The following ARL15 variants were observed in gnomAD, a reference collection of about 807,000 sequenced individuals.
The protein encoded by ARL15 is ARF like GTPase 15, also known as ADP-ribosylation factor-like protein 15.
In ARL15, 19 loss-of-function variants were observed where a neutral mutation model predicts 25.2. The ratio of observed to expected loss-of-function variants is 0.75; its 90% CI spans 0.53 to 1.10. The LOEUF (loss-of-function observed/expected upper bound fraction) is 1.10. ARL15 is among the 50% of genes least tolerant of loss of function. The probability of loss-of-function intolerance (pLI) is 0.00; values close to 1 mark genes in which losing one functional copy is unlikely to be tolerated. For synonymous variants in ARL15, 94 were observed against 86.8 expected (o/e 1.08, Z -0.46); for missense variants, 220 against 246.0 (o/e 0.89, Z 0.71).
chr5:54,009,980 G>GA (rs961852272), intron 4 of ARL15, among the ~76,000 whole-genome samples: 3 of 151,678 alleles, frequency 2.0e-5, no homozygotes, highest in African/African-American at 7.3e-5. Context: ...CTTTACTGAG[G>GA]AAAAAAACAA....
chr5:53,956,070 C>G (rs746702433), intron 4 of ARL15, among the ~76,000 whole-genome samples: 3 of 152,062 alleles, frequency 2.0e-5, no homozygotes, highest in Non-Finnish European at 4.4e-5. Flanking sequence ...AAGTCATGCA[C>G]ATACCCACAG....
intron 2 of ARL15, among the ~76,000 whole-genome samples, chr5:54,165,016 C>T (rs1554044740): frequency 6.6e-6 from 1 of 151,570 alleles, no homozygotes; most frequent in Non-Finnish European, 1.5e-5. Context: ...TATGGGCTCT[C>T]ATCCTTTGTT....
intron 4 of ARL15, among the ~76,000 whole-genome samples, chr5:53,924,088 T>C (rs1745942658): frequency 6.6e-6 from 1 of 152,128 alleles, no homozygotes; most frequent in South Asian, 2.1e-4. Context: ...GAAAAGGAGG[T>C]AATAAAAGTG....
intron 1 of ARL15, among the ~76,000 whole-genome samples, chr5:54,272,831 G>A (rs1398333857): frequency 1.1e-4 from 16 of 152,062 alleles, no homozygotes; most frequent in Non-Finnish European, 1.9e-4. Context: ...TTCCACTTGT[G>A]GTAATTAATA....
intron 4 of ARL15, among the ~76,000 whole-genome samples, chr5:53,962,256 G>A (rs1312736517): frequency 6.6e-6 from 1 of 152,082 alleles, no homozygotes; most frequent in Non-Finnish European, 1.5e-5. Flanking sequence ...AAAATAAAAA[G>A]TATGATGTAA....
intron 3 of ARL15, among the ~76,000 whole-genome samples, chr5:54,147,339 C>T (rs906195795): frequency 6.6e-6 from 1 of 152,050 alleles, no homozygotes; most frequent in Non-Finnish European, 1.5e-5. Flanking sequence ...AGCATCTCTC[C>T]AAGGAGCTTT....
At chr5:54,285,636 T>C (rs1324103469) in intron 1 of ARL15, among the ~76,000 whole-genome samples, 1 of 152,116 alleles carries the variant, frequency 6.6e-6, no homozygotes, top group Non-Finnish European at 1.5e-5. Flanking sequence ...TTCTGCTTGA[T>C]GAAAATTAAA....
intron 1 of ARL15, among the ~76,000 whole-genome samples, chr5:54,229,886 A>G (rs1350237572): frequency 6.6e-6 from 1 of 152,178 alleles, no homozygotes; most frequent in Non-Finnish European, 1.5e-5. Context: ...CAAATTGTCC[A>G]TGGTGACTTT....
intron 4 of ARL15, among the ~76,000 whole-genome samples, chr5:53,922,563 G>A (rs1051822181): frequency 1.3e-5 from 2 of 152,220 alleles, no homozygotes; most frequent in African/African-American, 4.8e-5. Context: ...TGGCAGTGCT[G>A]TAGTGCAGTT....
intron 4 of ARL15, among the ~76,000 whole-genome samples, chr5:54,090,857 A>G (rs1752106914): frequency 6.6e-6 from 1 of 152,188 alleles, no homozygotes. Flanking sequence ...CACAACCACA[A>G]GGGGCTATAA....
At chr5:53,907,488 A>ATATATTTTTG (rs1360900279) in intron 4 of ARL15, among the ~76,000 whole-genome samples, 1 of 18,014 alleles carries the variant, frequency 5.6e-5, no homozygotes, top group African/African-American at 2.9e-4. Context: ...ATATATATAT[A>ATATATTTTTG]TTTTTTTTTT....
intron 1 of ARL15, among the ~76,000 whole-genome samples, chr5:54,258,422 A>AT (rs1324186448): frequency 2.6e-5 from 4 of 152,092 alleles, no homozygotes; most frequent in Non-Finnish European, 5.9e-5. Context: ...GTCTAGCCCC[A>AT]TTTTTTTAGG....
chr5:54,310,422 C>T lies in ARL15; in HGVS notation c.48+10G>A. 6.2e-7 allele frequency: 1 copy of T among 1,609,020 alleles called. No homozygotes were observed. The highest frequency in any genetic ancestry group is 8.5e-7 in the Non-Finnish European group (1 of 1,177,866). ...CGAGAGGCGACATGCCACCCCTGCC[C>T]TGCACCTACCAGATAATCCATGTAC... On this transcript the variant is annotated intron_variant, in intron 1 of 4. Coordinates refer to ENST00000504924, the MANE Select transcript of ARL15 (RefSeq NM_019087.3).
intron 1 of ARL15, among the ~76,000 whole-genome samples, chr5:54,309,567 G>A (rs1442539928): frequency 1.3e-5 from 2 of 152,156 alleles, no homozygotes; most frequent in African/African-American, 4.8e-5. Context: ...TGCCCAACAT[G>A]GTAAACACAA....
At chr5:53,982,178 T>G (rs981482400) in intron 4 of ARL15, among the ~76,000 whole-genome samples, 5 of 128,002 alleles carry the variant, frequency 3.9e-5, no homozygotes, top group African/African-American at 1.3e-4. Flanking sequence ...CATTCTTTTT[T>G]TTTTTTCTTT....
chr5:54,278,398 G>A lies in ARL15; in HGVS notation c.48+32034C>T, dbSNP rs555486047. ...CTATAAACTCTTGGCCTAAATTTAC[G>A]TCCCCTCCTTCCTCCTGAACAGAAC... is the stretch of plus-strand genomic sequence containing the variant. On this transcript the variant is annotated intron_variant, in intron 1 of 4. Transcript: ENST00000504924. Among the ~76,000 whole-genome samples, 14 of 152,184 alleles carry A rather than the reference G, an allele frequency of 9.2e-5. No individual in the cohort carries two copies. The South Asian group carries it at 2.3e-3, about 25-fold the overall frequency.
chr5:54,077,467 T>C (rs1751646835), intron 4 of ARL15, among the ~76,000 whole-genome samples: 1 of 152,152 alleles, frequency 6.6e-6, no homozygotes, highest in Non-Finnish European at 1.5e-5. Flanking sequence ...GAGCCATAAA[T>C]GTAAAGAACT....
intron 2 of ARL15, among the ~76,000 whole-genome samples, chr5:54,155,909 T>C (rs1393317279): frequency 6.6e-6 from 1 of 152,218 alleles, no homozygotes; most frequent in Non-Finnish European, 1.5e-5. Context: ...AATGTATCAA[T>C]AGTTTCTGAG....
rs16881893 is a variant in ARL15, at chr5:53,953,890, A to G, written c.463-67177T>C. On this transcript the variant is annotated intron_variant, in intron 4 of 4. Transcript: ENST00000504924. ...TTTAATGAATTATCTATGATCACTT[A>G]AAAACACTAGGTTTTCCATTTCAGA... Among the ~76,000 whole-genome samples, 945 of 152,318 alleles carry G rather than the reference A, an allele frequency of 6.2e-3. 3 individuals carry two copies. The highest frequency in any genetic ancestry group is 8.7e-3 in the Non-Finnish European group (595 of 68,026).
Sources: gnomAD v4.1 joint callset for allele counts (sites outside exome capture counted in the v4.1 genomes callset) on GRCh38, gnomAD v4.1.1 for gene constraint, MANE v1.5 for transcripts, NCBI Gene and HGNC (gene_info 2026-07-23, HGNC 2026-07-21) for gene names.